The following CASZ1 variants were observed in gnomAD, a reference collection of about 807,000 sequenced individuals.
CASZ1 encodes the protein zinc finger protein castor homolog 1.
Under a neutral mutation model 135.2 loss-of-function variants are expected in CASZ1, and 28 were observed. The observed-to-expected ratio is 0.21, with a 90% CI of 0.15 to 0.28. The LOEUF is 0.28. Among genes scored for constraint, CASZ1 ranks in the 10% least tolerant of loss-of-function variants. The pLI, the probability that CASZ1 is intolerant of heterozygous loss-of-function variation, is 1.00. For synonymous variants in CASZ1, 1,068 were observed against 1,073.4 expected (o/e 0.99, Z 0.10); for missense variants, 2,161 against 2,453.3 (o/e 0.88, Z 2.52).
In CASZ1 at chr1:10,638,272, A is replaced by G. The variant is rs902136565; in HGVS notation, c.*670T>C. On this transcript the variant is annotated 3_prime_UTR_variant, in exon 21 of 21. Coordinates refer to ENST00000377022, the MANE Select transcript of CASZ1 (RefSeq NM_001079843.3). The surrounding 1 kb of genome is among the most constrained non-coding windows in gnomAD (Gnocchi z 5.9). Reference sequence around the variant, plus strand: ...ACCCCGCCCCGGCCCCCAGCGGGCTACTCTGGGTTTTGGACGCAGCCTCGG... The same window carrying G: ...ACCCCGCCCCGGCCCCCAGCGGGCTGCTCTGGGTTTTGGACGCAGCCTCGG... 1 of 151,054 alleles carries G rather than the reference A, an allele frequency of 6.6e-6. No individual in the cohort carries two copies. The highest frequency in any genetic ancestry group is 6.6e-5 in the Admixed American group (1 of 15,230). The allele number at this position is 151,054 out of a possible 1,614,324, so 9.4% of individuals were successfully genotyped here.
At position 10,639,241 on chromosome 1, in the gene CASZ1, C is replaced by T. The variant is rs886921973; in HGVS notation, c.4981G>A (p.Glu1661Lys). Reference sequence around the variant, plus strand: ...GCGGCGGCGGCGGCGGCGGCGCCCTCGCGCGGCCCGGGGGCGGCGGCGTCG... The same window carrying T: ...GCGGCGGCGGCGGCGGCGGCGCCCTTGCGCGGCCCGGGGGCGGCGGCGTCG... ...PPDAAAPGPR[E>K]GAAAAAAAAG... The change falls in exon 21 of 21, where the codon GAG becomes AAG. Residue 1661 changes from glutamate to lysine, a missense_variant. Around this residue, in one of 7 missense-constraint regions of CASZ1, gnomAD observed 185 missense variants for 134.7 expected, o/e 1.37. Coordinates refer to ENST00000377022, the MANE Select transcript of CASZ1 (RefSeq NM_001079843.3). This position sits in a 1 kb window ranked among gnomAD's most constrained non-coding sequence, Gnocchi z 4.0. 2 of 921,812 alleles carry T rather than the reference C, an allele frequency of 2.2e-6. No individual in the cohort carries two copies. The highest frequency in any genetic ancestry group is 1.8e-5 in the African/African-American group (1 of 55,084). 57.1% of individuals were successfully genotyped at this position (921,812 alleles called of 1,614,324 possible). A position where few individuals can be genotyped will look rare whatever the true frequency, so the allele number is the denominator to read the frequency against.
rs1047528068 is a variant in CASZ1, at chr1:10,774,199, G to A, written c.-233-13342C>T. ...TTTTGGGTGGAAATCCACCCGGAGT[G>A]CACCCTCCCACCTGACACCGTCGCT... On this transcript the variant is annotated intron_variant, in intron 1 of 20. Transcript: ENST00000377022. The surrounding 1 kb of genome is among the most constrained non-coding windows in gnomAD (Gnocchi z 4.4). Among the ~76,000 whole-genome samples the A allele has an allele frequency of 2.0e-5, 3 of 152,230 alleles. No homozygotes were observed. The South Asian group carries it at 6.2e-4, about 32-fold the overall frequency.
chr1:10,660,670 C>T (rs1326531591), intron 5 of CASZ1, 134 bp from the exon 6 acceptor site: 3 of 631,740 alleles, frequency 4.7e-6, no homozygotes, highest in South Asian at 3.8e-5. Context: ...GATCTATGGA[C>T]GTTTGGCTCA....
At chr1:10,686,589 C>T (rs1270032825) in intron 4 of CASZ1, among the ~76,000 whole-genome samples, 2 of 152,224 alleles carry the variant, frequency 1.3e-5, no homozygotes, top group South Asian at 2.1e-4. Flanking sequence ...CAGGCCGTCT[C>T]AGCTCACTGC....
Position 10,659,891 on chromosome 1 carries a change from G to A in CASZ1, c.1151C>T (p.Pro384Leu). ...SKYDVRGIQKPGPAKVPPTPS... is the reference protein window; with the variant it reads ...SKYDVRGIQKLGPAKVPPTPS... Reference sequence around the variant, plus strand: ...GGTGGGCGGAACCTTGGCGGGGCCTGGCTTCTGGATGCCCCGGACGTCGTA... The same window carrying A: ...GGTGGGCGGAACCTTGGCGGGGCCTAGCTTCTGGATGCCCCGGACGTCGTA... Residue 384 changes from proline (P) to leucine (L), a missense_variant, in exon 6 of 21, where the codon CCA (proline) becomes CTA (leucine). Transcript: ENST00000377022. 1.9e-6 allele frequency: 3 copies of A among 1,611,312 alleles called. No individual in the cohort carries two copies. The highest frequency in any genetic ancestry group is 2.5e-6 in the Non-Finnish European group (3 of 1,179,044).
At chr1:10,750,046 G>A (rs1033364117) in intron 2 of CASZ1, among the ~76,000 whole-genome samples, 1 of 152,164 alleles carries the variant, frequency 6.6e-6, no homozygotes, top group Non-Finnish European at 1.5e-5. Flanking sequence ...CAGGCAGCTT[G>A]CCTAGACAGG....
At chr1:10,696,047 G>A (rs114932096) in intron 3 of CASZ1, among the ~76,000 whole-genome samples, 211 of 152,356 alleles carry the variant, frequency 1.4e-3, no homozygotes, top group Non-Finnish European at 2.3e-3. Flanking sequence ...GCAACATGGC[G>A]CTGGCCTATT....
At position 10,667,104 on chromosome 1, in the gene CASZ1, A is replaced by T. The variant is rs185124490; in HGVS notation, c.17-1533T>A. On this transcript the variant is annotated intron_variant, in intron 4 of 20. Coordinates refer to ENST00000377022, the MANE Select transcript of CASZ1 (RefSeq NM_001079843.3). The stretch of plus-strand genomic sequence containing the variant: ...ACCCCCTGCCAACTTTCCACATGCC[A>T]GGAAACCCGATGAGAGGCCTACCCA... Among the ~76,000 whole-genome samples the T allele has an allele frequency of 5.3e-5, 8 of 152,342 alleles. No individual in the cohort carries two copies. The East Asian group carries it at 1.5e-3, about 29-fold the overall frequency.
chr1:10,647,517 A>C lies in CASZ1; in HGVS notation c.3497+284T>G. 12 of 1,333,910 alleles carry C rather than the reference A, an allele frequency of 9.0e-6. No homozygotes were observed. Among genetic ancestry groups the C allele is most frequent in the Non-Finnish European group, 1.2e-5 (12 of 1,036,364 alleles). The allele number at this position is 1,333,910 out of a possible 1,614,324, so 82.6% of individuals were successfully genotyped here. A position where few individuals can be genotyped will look rare whatever the true frequency, so the allele number is the denominator to read the frequency against. On this transcript the variant is annotated intron_variant, in intron 16 of 20. Transcript: ENST00000377022. The surrounding 1 kb of genome is among the most constrained non-coding windows in gnomAD (Gnocchi z 4.9). ...TTGTCCTCTGAGGACCACCACGCCC[A>C]GTCCACCCCACCTGGCCCTGGCAGG...
chr1:10,744,283 G>T (rs750960462), intron 2 of CASZ1, among the ~76,000 whole-genome samples: 1 of 152,032 alleles, frequency 6.6e-6, no homozygotes, highest in Non-Finnish European at 1.5e-5. Context: ...GTCCTGGGGC[G>T]GGAACTTTGG....
chr1:10,645,403 G>A (rs539807152), intron 17 of CASZ1, among the ~76,000 whole-genome samples: 14 of 152,178 alleles, frequency 9.2e-5, no homozygotes, highest in Non-Finnish European at 1.5e-4. Context: ...GGTGGCGGGC[G>A]CCTGTAGTCC....
At chr1:10,708,186 G>A (rs1639214355) in intron 2 of CASZ1, among the ~76,000 whole-genome samples, 1 of 152,182 alleles carries the variant, frequency 6.6e-6, no homozygotes, top group Non-Finnish European at 1.5e-5. Context: ...CAGGCTATGG[G>A]GCTGATGGTT....
At chr1:10,766,488 G>T (rs1416279085) in intron 1 of CASZ1, among the ~76,000 whole-genome samples, 1 of 152,188 alleles carries the variant, frequency 6.6e-6, no homozygotes. Flanking sequence ...GACCAAGTAG[G>T]TCCCCTAGAG....
Position 10,637,418 on chromosome 1 carries a change from C to T in CASZ1, c.*1524G>A, listed in dbSNP as rs1642027905. 6.6e-6 allele frequency: 1 copy of T among 152,434 alleles called. No individual in the cohort carries two copies. Among genetic ancestry groups the T allele is most frequent in the African/African-American group, 2.4e-5 (1 of 41,380 alleles). 9.4% of individuals were successfully genotyped at this position (152,434 alleles called of 1,614,324 possible). On this transcript the variant is annotated 3_prime_UTR_variant, in exon 21 of 21. Transcript: ENST00000377022. ...TTCTGGCTGTGGGCAGCTGAGAGGACAAAAGAAAGGAAGAAAAAAGGGAAA... is the reference window on the plus strand; with the variant it reads ...TTCTGGCTGTGGGCAGCTGAGAGGATAAAAGAAAGGAAGAAAAAAGGGAAA...
chr1:10,728,972 C>G (rs1052353981), intron 2 of CASZ1, among the ~76,000 whole-genome samples: 4 of 152,174 alleles, frequency 2.6e-5, no homozygotes, highest in African/African-American at 9.7e-5. Flanking sequence ...GAGGCCTTCC[C>G]CCCCCACTCT....
rs1642082838 is a variant in CASZ1 at position 10,638,806 on chromosome 1, C to A, written c.*136G>T. ...CCGCGGAGCACCAGAGGGGTCCCCG[C>A]CTCTGTCCTGAGACGGACTCGGGGT... On this transcript the variant is annotated 3_prime_UTR_variant, in exon 21 of 21. Coordinates refer to ENST00000377022, the MANE Select transcript of CASZ1 (RefSeq NM_001079843.3). The surrounding 1 kb of genome is among the most constrained non-coding windows in gnomAD (Gnocchi z 5.9). 3 of 880,454 alleles carry A rather than the reference C, an allele frequency of 3.4e-6. No homozygotes were observed. Among genetic ancestry groups the A allele is most frequent in the Non-Finnish European group, 2.7e-6 (2 of 734,638 alleles). 54.5% of individuals were successfully genotyped at this position (880,454 alleles called of 1,614,324 possible). A position where few individuals can be genotyped will look rare whatever the true frequency, so the allele number is the denominator to read the frequency against.
chr1:10,788,829 C>G lies in CASZ1; in HGVS notation c.-234+7735G>C, dbSNP rs1021859929. 5.3e-5 allele frequency among the ~76,000 whole-genome samples: 8 copies of G among 152,232 alleles called. No individual in the cohort carries two copies. Among genetic ancestry groups the G allele is most frequent in the African/African-American group, 1.7e-4 (7 of 41,464 alleles). On this transcript the variant is annotated intron_variant, in intron 1 of 20. Transcript: ENST00000377022. This position sits in a 1 kb window ranked among gnomAD's most constrained non-coding sequence, Gnocchi z 4.1. ...CCCTCCTGTGTGCCAGGGCTTCCTGCCCAGCCAGCAGAGGCATCGCACAGA... is the reference window on the plus strand; with the variant it reads ...CCCTCCTGTGTGCCAGGGCTTCCTGGCCAGCCAGCAGAGGCATCGCACAGA...
intron 15 of CASZ1, chr1:10,648,359 C>T: frequency 2.1e-6 from 1 of 487,248 alleles, no homozygotes; most frequent in African/African-American, 2.0e-5. Context: ...TTGGGCCTAA[C>T]CATGCCTTCC....
At position 10,642,933 on chromosome 1, in the gene CASZ1, G is replaced by A. The variant is rs1465866906; in HGVS notation, c.4088C>T (p.Ala1363Val). 6.2e-7 allele frequency: 1 copy of A among 1,613,066 alleles called. No homozygotes were observed. The highest frequency in any genetic ancestry group is 8.5e-7 in the Non-Finnish European group (1 of 1,179,990). ...CMDYTGCSPG[A>V]MSSESSTMDR... ...CATGGTGGATGACTCAGAGGACATG[G>A]CGCCTGGGCTGCAGCCAGTGTAGTC... The change falls in exon 20 of 21, where the codon GCC becomes GTC. Residue 1363 changes from alanine to valine, a missense_variant. By Grantham distance (64) the Ala-to-Val change is moderately conservative (BLOSUM62 0). Transcript: ENST00000377022.
Sources: gnomAD v4.1 joint callset for allele counts (sites outside exome capture counted in the v4.1 genomes callset) on GRCh38, gnomAD v4.1.1 for gene constraint, gnomAD v4.1.1 regional missense constraint, Gnocchi (gnomAD v3.1) non-coding constraint, MANE v1.5 for transcripts, NCBI Gene and HGNC (gene_info 2026-07-23, HGNC 2026-07-21) for gene names.